COL26A1: variants seen among roughly 807,000 people sequenced by gnomAD.
COL26A1 encodes collagen alpha-1(XXVI) chain.
Under a neutral mutation model 59.3 loss-of-function variants are expected in COL26A1, and 41 were observed. The observed-to-expected ratio is 0.69, with a 90% CI of 0.54 to 0.90. The LOEUF (loss-of-function observed/expected upper bound fraction) is 0.90. Among genes scored for constraint, COL26A1 ranks in the 40% least tolerant of loss-of-function variants. COL26A1 has a pLI of 0.00. For missense variants in COL26A1, 612 were observed against 602.3 expected (o/e 1.02, Z -0.17); for synonymous variants, 266 against 256.0 (o/e 1.04, Z -0.37).
In COL26A1 at chr7:101,492,419, G is replaced by A. The variant is rs551510259; in HGVS notation, c.386-40663G>A. Among the ~76,000 whole-genome samples the A allele has an allele frequency of 2.6e-4, 39 of 151,996 alleles. 1 individual carries two copies. In the South Asian group the frequency reaches 7.3e-3, roughly 28 times the overall value. On this transcript the variant is annotated intron_variant, in intron 3 of 12. Coordinates refer to ENST00000313669, the MANE Select transcript of COL26A1 (RefSeq NM_001278563.3). ...ATTTTTTAAAATAGAGTTGCAGGCC[G>A]GGCGCGGTGGCTCATGCCTGTAATC... is the stretch of plus-strand genomic sequence containing the variant.
At chr7:101,548,515 G>C (rs1043256278) in intron 8 of COL26A1, among the ~76,000 whole-genome samples, 6 of 152,160 alleles carry the variant, frequency 3.9e-5, no homozygotes, top group African/African-American at 1.4e-4. Flanking sequence ...GTGGAAAGCT[G>C]GGAAGGCTTC....
intron 1 of COL26A1, among the ~76,000 whole-genome samples, chr7:101,387,802 CTG>C (rs1791629152): frequency 8.3e-6 from 1 of 120,636 alleles, no homozygotes; most frequent in African/African-American, 3.1e-5. Context: ...CAGAGTCTCA[CTG>C]TGTCACCCAG....
chr7:101,398,678 C>G (rs1031166157), intron 1 of COL26A1, among the ~76,000 whole-genome samples: 1 of 152,206 alleles, frequency 6.6e-6, no homozygotes, highest in Non-Finnish European at 1.5e-5. Flanking sequence ...CCTCTCAGCC[C>G]TGCTTCCTTG....
chr7:101,387,365 C>T (rs114654512), intron 1 of COL26A1, among the ~76,000 whole-genome samples: 1,944 of 143,392 alleles, frequency 0.014, 37 homozygotes, highest in African/African-American at 0.046. Context: ...GAAAGAAACC[C>T]GACACACTGA....
At chr7:101,454,661 G>A (rs1285744490) in intron 3 of COL26A1, among the ~76,000 whole-genome samples, 1 of 152,152 alleles carries the variant, frequency 6.6e-6, no homozygotes, top group Admixed American at 6.6e-5. Context: ...TAGCGCTGAA[G>A]TGCTCTCTGG....
At chr7:101,419,459 C>G (rs1422719757) in intron 1 of COL26A1, among the ~76,000 whole-genome samples, 1 of 152,106 alleles carries the variant, frequency 6.6e-6, no homozygotes, top group Admixed American at 6.6e-5. Flanking sequence ...CGTGGTCTCT[C>G]TCCGCTCTGT....
At chr7:101,538,678 AG>A (rs1795536277) in intron 4 of COL26A1, among the ~76,000 whole-genome samples, 1 of 152,140 alleles carries the variant, frequency 6.6e-6, no homozygotes, top group African/African-American at 2.4e-5. Flanking sequence ...GCCTGAGCCC[AG>A]GGGGCCCAGC....
chr7:101,521,406 C>A (rs1298096242), intron 3 of COL26A1, among the ~76,000 whole-genome samples: 1 of 152,160 alleles, frequency 6.6e-6, no homozygotes, highest in Non-Finnish European at 1.5e-5. Context: ...GTGCTAAATT[C>A]TGTAAGCCAG....
At chr7:101,501,742 C>G (rs1443639444) in intron 3 of COL26A1, among the ~76,000 whole-genome samples, 9 of 152,196 alleles carry the variant, frequency 5.9e-5, no homozygotes, top group African/African-American at 2.2e-4. Context: ...GAGGTGCATG[C>G]TCATAGAAAG....
chr7:101,456,002 C>A (rs1793462253), intron 3 of COL26A1, among the ~76,000 whole-genome samples: 1 of 152,034 alleles, frequency 6.6e-6, no homozygotes, highest in Non-Finnish European at 1.5e-5. Context: ...GTTTCCTTCT[C>A]ACATAAATTA....
At chr7:101,464,886 A>G (rs1793718842) in intron 3 of COL26A1, among the ~76,000 whole-genome samples, 1 of 151,444 alleles carries the variant, frequency 6.6e-6, no homozygotes, top group South Asian at 2.1e-4. Context: ...TAATTTTAAA[A>G]TTGTTTGTAG....
intron 3 of COL26A1, among the ~76,000 whole-genome samples, chr7:101,509,917 G>A (rs564204620): frequency 6.6e-6 from 1 of 151,674 alleles, no homozygotes; most frequent in Non-Finnish European, 1.5e-5. Context: ...TAGTAGAAAC[G>A]GGGTTTCACC....
At chr7:101,432,965 G>A (rs1792816351) in intron 2 of COL26A1, among the ~76,000 whole-genome samples, 1 of 152,168 alleles carries the variant, frequency 6.6e-6, no homozygotes, top group African/African-American at 2.4e-5. Flanking sequence ...GCCTCCCAAA[G>A]TGCTGGGATT....
At chr7:101,496,593 A>G (rs1794590300) in intron 3 of COL26A1, among the ~76,000 whole-genome samples, 1 of 152,090 alleles carries the variant, frequency 6.6e-6, no homozygotes, top group African/African-American at 2.4e-5. Context: ...GTGCAGATCT[A>G]GACCCCAAGA....
chr7:101,555,779 C>G lies in COL26A1; in HGVS notation c.1081-8C>G, dbSNP rs764896228. The stretch of plus-strand genomic sequence containing the variant: ...CGGCCCTGACCCTGCCTGTTTCCTC[C>G]CCGCCAGGGCGAGGGGGTGCAGCAG... On this transcript the variant is annotated splice_polypyrimidine_tract_variant and splice_region_variant and intron_variant, in intron 11 of 12. Transcript: ENST00000313669. 6 of 1,604,570 alleles carry G rather than the reference C, an allele frequency of 3.7e-6. No individual in the cohort carries two copies. The highest frequency in any genetic ancestry group is 5.1e-6 in the Non-Finnish European group (6 of 1,176,530).
At chr7:101,425,373 C>A (rs1792619724) in intron 2 of COL26A1, among the ~76,000 whole-genome samples, 1 of 152,128 alleles carries the variant, frequency 6.6e-6, no homozygotes, top group Admixed American at 6.6e-5. Context: ...AGTCTGGGAG[C>A]CTTAGGAGGT....
At chr7:101,486,426 G>T (rs1794270911) in intron 3 of COL26A1, among the ~76,000 whole-genome samples, 1 of 152,210 alleles carries the variant, frequency 6.6e-6, no homozygotes, top group Non-Finnish European at 1.5e-5. Flanking sequence ...AGACATTGAG[G>T]ACAGTGGGGG....
chr7:101,511,209 C>CT (rs1213971274), intron 3 of COL26A1, among the ~76,000 whole-genome samples: 1 of 152,214 alleles, frequency 6.6e-6, no homozygotes, highest in Non-Finnish European at 1.5e-5. Context: ...GCCCATCTCA[C>CT]TTTTTTCAAA....
intron 3 of COL26A1, among the ~76,000 whole-genome samples, chr7:101,511,025 C>T (rs1020916306): frequency 3.3e-5 from 5 of 151,788 alleles, no homozygotes; most frequent in East Asian, 3.9e-4. Flanking sequence ...CTCAGCCTCC[C>T]GAGTAGCTGG....
Sources: allele counts gnomAD v4.1 joint callset (sites outside exome capture counted in the v4.1 genomes callset), GRCh38; gene constraint gnomAD v4.1.1; transcripts MANE v1.5; gene names NCBI Gene and HGNC (gene_info 2026-07-23, HGNC 2026-07-21).